The following CASK variants were observed in gnomAD, a reference collection of about 807,000 sequenced individuals.
CASK encodes the protein peripheral plasma membrane protein CASK.
CASK carries 4 observed loss-of-function variants against 82.9 expected under a neutral mutation model. The observed-to-expected ratio is 0.05, with a 90% CI of 0.02 to 0.11. CASK has a LOEUF of 0.11. CASK is among the 10% of genes least tolerant of loss of function. The pLI is 1.00. For missense variants in CASK, 358 were observed against 720.9 expected, an observed-to-expected ratio of 0.50 and a Z score of 5.76; for synonymous variants, 259 against 253.5, an observed-to-expected ratio of 1.02 and a Z score of -0.20.
chrX:41,922,857 G>T, intron 1 of CASK, 73 bp downstream of exon 1: 1 of 971,809 alleles, frequency 1.0e-6, no homozygotes, highest in Non-Finnish European at 1.5e-6. Flanking sequence ...CAGGCCCCGA[G>T]CGGGTGCGGG....
chrX:41,832,297 T>C (rs957194035), intron 2 of CASK, among the ~76,000 whole-genome samples: 5 of 112,101 alleles, frequency 4.5e-5, no homozygotes, highest in African/African-American at 1.6e-4. Context: ...GGAAGTTATG[T>C]CTATGGAAGT....
chrX:41,675,070 T>G (rs2067247249), intron 5 of CASK, among the ~76,000 whole-genome samples: 1 of 112,377 alleles, frequency 8.9e-6, no homozygotes, highest in Admixed American at 9.4e-5. Flanking sequence ...TTACATTTGT[T>G]CTTAGGTTGC....
At chrX:41,789,454 C>T (rs1159082569) in intron 2 of CASK, among the ~76,000 whole-genome samples, 2 of 111,337 alleles carry the variant, frequency 1.8e-5, no homozygotes, top group African/African-American at 3.3e-5. Context: ...AGATCAGAGG[C>T]ACAGGAAAGA....
At chrX:41,896,161 C>T (rs2072267222) in intron 1 of CASK, among the ~76,000 whole-genome samples, 1 of 111,849 alleles carries the variant, frequency 8.9e-6, no homozygotes, top group African/African-American at 3.3e-5. Flanking sequence ...CTCCCTCCCA[C>T]AAAAGATTCA....
chrX:41,578,887 C>A (rs762109091), intron 14 of CASK, among the ~76,000 whole-genome samples: 1 of 112,286 alleles, frequency 8.9e-6, no homozygotes, highest in East Asian at 2.8e-4. Flanking sequence ...CCAACTATCT[C>A]AATTTTTTTG....
intron 2 of CASK, among the ~76,000 whole-genome samples, chrX:41,818,145 C>CTGTG (rs59931187): frequency 0.045 from 3,819 of 85,328 alleles, 98 homozygotes; most frequent in African/African-American, 0.054. Flanking sequence ...AGGAGGCCTT[C>CTGTG]TGTGTGTGTG....
At chrX:41,579,052 G>T (rs895840897) in intron 14 of CASK, among the ~76,000 whole-genome samples, 1 of 111,964 alleles carries the variant, frequency 8.9e-6, no homozygotes, top group African/African-American at 3.2e-5. Context: ...TTAGCTAAAA[G>T]AATCATCTAT....
chrX:41,622,670 A>G lies in CASK; in HGVS notation c.1016-36T>C, dbSNP rs576381237. 290 of 1,154,717 alleles carry G rather than the reference A, an allele frequency of 2.5e-4. 3 individuals carry two copies. In the South Asian group the frequency reaches 5.3e-3, roughly 21 times the overall value. ...GGCAGCATATGGACAAACAACAAAC[A>G]GTATGATTTTAGAACAAGCAGGTTA... On this transcript the variant is annotated intron_variant, in intron 10 of 26. Transcript: ENST00000378163.
intron 1 of CASK, among the ~76,000 whole-genome samples, chrX:41,891,035 G>A (rs1324666489): frequency 9.3e-6 from 1 of 107,916 alleles, no homozygotes; most frequent in Non-Finnish European, 1.9e-5. Flanking sequence ...TTACAGGTGC[G>A]TGCCACCACA....
At chrX:41,895,010 C>T (rs2072248142) in intron 1 of CASK, among the ~76,000 whole-genome samples, 1 of 111,629 alleles carries the variant, frequency 9.0e-6, no homozygotes, top group African/African-American at 3.3e-5. Context: ...TATCCTATTG[C>T]TCCTAGTTAT....
chrX:41,591,934 A>G (rs990579712), intron 12 of CASK, among the ~76,000 whole-genome samples: 4 of 111,354 alleles, frequency 3.6e-5, no homozygotes, highest in African/African-American at 1.3e-4. Context: ...AATCTAAGTG[A>G]ATACATAAAA....
chrX:41,598,378 G>C (rs1025351770), intron 12 of CASK, among the ~76,000 whole-genome samples: 9 of 111,313 alleles, frequency 8.1e-5, no homozygotes, highest in African/African-American at 2.9e-4. Context: ...TTGAGACGGG[G>C]TCTTGCTGTG....
chrX:41,696,648 T>C, intron 5 of CASK: 1 of 1,210,700 alleles, frequency 8.3e-7, no homozygotes, highest in Non-Finnish European at 1.1e-6. Context: ...CAAAATAATG[T>C]GCCAACTTCT....
chrX:41,741,692 A>T (rs899077401), intron 4 of CASK, among the ~76,000 whole-genome samples: 8 of 111,979 alleles, frequency 7.1e-5, no homozygotes, highest in African/African-American at 2.6e-4. Context: ...TTCCCAAGTT[A>T]TAACAGAACT....
At chrX:41,710,541 T>C (rs1303855749) in intron 5 of CASK, among the ~76,000 whole-genome samples, 2 of 112,215 alleles carry the variant, frequency 1.8e-5, no homozygotes. Flanking sequence ...AGCTGAAGGA[T>C]AGTGAAACTT....
intron 16 of CASK, among the ~76,000 whole-genome samples, chrX:41,567,348 G>A (rs943730376): frequency 3.6e-5 from 4 of 111,781 alleles, no homozygotes; most frequent in Non-Finnish European, 7.5e-5. Context: ...ATCTGACAAA[G>A]GGCTAATATC....
intron 5 of CASK, among the ~76,000 whole-genome samples, chrX:41,713,307 C>A (rs1247016321): frequency 8.9e-6 from 1 of 112,118 alleles, no homozygotes; most frequent in Non-Finnish European, 1.9e-5. Context: ...GAGGTAGGAC[C>A]TGCAGTTCAT....
At chrX:41,820,821 C>T (rs1339841950) in intron 2 of CASK, among the ~76,000 whole-genome samples, 3 of 110,738 alleles carry the variant, frequency 2.7e-5, no homozygotes, top group African/African-American at 9.8e-5. Context: ...AGAAAATAGA[C>T]CAACACATTA....
intron 25 of CASK, among the ~76,000 whole-genome samples, chrX:41,528,903 A>T (rs773886467): frequency 1.6e-4 from 18 of 112,294 alleles, no homozygotes; most frequent in African/African-American, 5.8e-4. Context: ...CAGTCGGTGC[A>T]GACTGCGGGC....
Sources: gnomAD v4.1 joint callset for allele counts (sites outside exome capture counted in the v4.1 genomes callset) on GRCh38, gnomAD v4.1.1 for gene constraint, MANE v1.5 for transcripts, NCBI Gene and HGNC (gene_info 2026-07-23, HGNC 2026-07-21) for gene names.